Variants in RBM44 observed in about 807,000 individuals in gnomAD.
RBM44 encodes the protein RNA-binding protein 44.
A neutral mutation model predicts 105.1 loss-of-function variants in RBM44; 66 were observed. The ratio of observed to expected loss-of-function variants is 0.63; its 90% confidence interval spans 0.52 to 0.77. The LOEUF (loss-of-function observed/expected upper bound fraction) is 0.77, where lower values mean the gene tolerates loss of function less well. Among genes scored for constraint, RBM44 ranks in the 30% least tolerant of loss-of-function variants. The pLI, the probability that RBM44 is intolerant of heterozygous loss-of-function variation, is 0.00. For synonymous variants in RBM44, 365 were observed against 417.6 expected, an observed-to-expected ratio of 0.87 and a Z score of 1.54; for missense variants, 1,122 against 1,207.8, an observed-to-expected ratio of 0.93 and a Z score of 1.05.
chr2:237,821,362 CACATGTG>C lies in RBM44; in HGVS notation c.2115_2120+1del. 1 of 1,552,082 alleles carries C rather than the reference CACATGTG, an allele frequency of 6.4e-7. No homozygotes were observed. Among genetic ancestry groups the C allele is most frequent in the Non-Finnish European group, 8.7e-7 (1 of 1,143,150 alleles). ...TCCTTCCAGCTAATGAAAAAAGAAA[CACATGTG>C]TGAGTTATGGTTTCATTTGATTTAT... On this transcript the variant is annotated splice_donor_variant and coding_sequence_variant, in exon 7 of 16. Transcript: ENST00000316997. LOFTEE classifies it high-confidence loss of function.
At chr2:237,831,866 C>A (rs1025235976) in intron 13 of RBM44, among the ~76,000 whole-genome samples, 2 of 152,144 alleles carry the variant, frequency 1.3e-5, no homozygotes, top group African/African-American at 2.4e-5. Context: ...TAGCCTCGAT[C>A]TACAGCAGGA....
Position 237,824,286 on chromosome 2 carries a change from C to A in RBM44, c.2321-5C>A. 1 of 1,612,584 alleles carries A rather than the reference C, an allele frequency of 6.2e-7. No homozygotes were observed. The highest frequency in any genetic ancestry group is 8.5e-7 in the Non-Finnish European group (1 of 1,179,080). ...ATTCATAGCTCACTGTGTTGAGTGTCTTAGACTGCAGACATTACCAAGAGA... is the reference window on the plus strand; with the variant it reads ...ATTCATAGCTCACTGTGTTGAGTGTATTAGACTGCAGACATTACCAAGAGA... On this transcript the variant is annotated splice_region_variant and splice_polypyrimidine_tract_variant and intron_variant, in intron 9 of 15. Transcript: ENST00000316997.
intron 9 of RBM44, among the ~76,000 whole-genome samples, chr2:237,824,032 G>A (rs548533302): frequency 1.1e-4 from 17 of 152,208 alleles, no homozygotes; most frequent in South Asian, 6.2e-4. Context: ...TCAATAAGCC[G>A]GGAATAGTGT....
intron 12 of RBM44, 71 bp from the exon 13 acceptor site, chr2:237,829,146 A>G: frequency 9.1e-7 from 1 of 1,098,954 alleles, no homozygotes; most frequent in African/African-American, 1.6e-5. Context: ...TTGCATCAGT[A>G]GTTGCAAAAT....
Position 237,842,414 on chromosome 2 carries a change from A to G in RBM44, c.*598A>G, listed in dbSNP as rs528589506. The G allele has an allele frequency of 1.3e-5, 2 of 152,144 alleles. No individual in the cohort carries two copies. Among genetic ancestry groups the G allele is most frequent in the South Asian group, 2.1e-4 (1 of 4,832 alleles). The allele number at this position is 152,144 out of a possible 1,614,324, so 9.4% of individuals were successfully genotyped here. A position where few individuals can be genotyped will look rare whatever the true frequency, so the allele number is the denominator to read the frequency against. On this transcript the variant is annotated 3_prime_UTR_variant, in exon 16 of 16. Coordinates refer to ENST00000316997, the MANE Select transcript of RBM44 (RefSeq NM_001080504.3). ...TTCATGCATTTTTTATGACTTCAGT[A>G]TAAAACATTCAGGTGTGTTAGCCTT...
rs2061513270 is a variant in RBM44, at chr2:237,798,871, A to C, written c.-19+10A>C. 1 of 153,498 alleles carries C rather than the reference A, an allele frequency of 6.5e-6. No individual in the cohort carries two copies. The highest frequency in any genetic ancestry group is 2.4e-5 in the African/African-American group (1 of 41,442). 9.5% of individuals were successfully genotyped at this position (153,498 alleles called of 1,614,324 possible). A position where few individuals can be genotyped will look rare whatever the true frequency, so the allele number is the denominator to read the frequency against. On this transcript the variant is annotated intron_variant, in intron 1 of 15. Transcript: ENST00000316997. The surrounding 1 kb of genome is among the most constrained non-coding windows in gnomAD (Gnocchi z 4.3). ...TTCTAGCGGATCCGAGGTGCGACGG[A>C]CAGAGACGCGGGGCGGCAGGTCGGG...
At position 237,829,426 on chromosome 2, in the gene RBM44, C is replaced by T. The variant is rs947613508; in HGVS notation, c.2810C>T (p.Ser937Phe). 14 of 1,613,588 alleles carry T rather than the reference C, an allele frequency of 8.7e-6. No individual in the cohort carries two copies. The African/African-American group carries it at 1.7e-4, about 20-fold the overall frequency. The change falls in exon 13 of 16, where the codon TCC (serine) becomes TTC (phenylalanine). Residue 937 changes from serine (S) to phenylalanine (F), a missense_variant. This residue lies in a region of RBM44 where 194 missense variants were observed against 225.5 expected (regional missense o/e 0.86). Transcript: ENST00000316997. ...AACAAACAAATCCACTCAGAATTCT[C>T]CATTTCTAGATTGCCCAGAACTAGG... is the stretch of plus-strand genomic sequence containing the variant. ...STNKQIHSEF[S>F]ISRLPRTRPR...
At chr2:237,834,584 C>T in intron 15 of RBM44, 161 bp downstream of exon 15, 1 of 337,616 alleles carries the variant, frequency 3.0e-6, no homozygotes, top group Non-Finnish European at 5.2e-6. Context: ...TAGTTAACTA[C>T]TAAGGCAAAA....
rs775141225 is a variant in RBM44, at chr2:237,820,263, C to T, written c.1825C>T (p.His609Tyr). ...IMQRAIKAELHLLNVHYQMCR... is the reference protein window; with the variant it reads ...IMQRAIKAELYLLNVHYQMCR... ...GCAGAGAGCCATAAAAGCAGAGCTG[C>T]ACCTTTTAAATGTTCACTATCAGAT... is the stretch of plus-strand genomic sequence containing the variant. Residue 609 changes from histidine (H) to tyrosine (Y), a missense_variant, in exon 5 of 16, where the codon CAC becomes TAC. His to Tyr is a moderately conservative substitution (Grantham distance 83, BLOSUM62 2). This residue lies in a region of RBM44 where 918 missense variants were observed against 955.3 expected (regional missense o/e 0.96). Coordinates refer to ENST00000316997, the MANE Select transcript of RBM44 (RefSeq NM_001080504.3). 4 of 1,600,344 alleles carry T rather than the reference C, an allele frequency of 2.5e-6. No individual in the cohort carries two copies. The highest frequency in any genetic ancestry group is 3.3e-4 in the Middle Eastern group (2 of 6,034).
chr2:237,810,998 A>G (rs546276031), intron 1 of RBM44, among the ~76,000 whole-genome samples: 4 of 152,266 alleles, frequency 2.6e-5, no homozygotes, highest in African/African-American at 7.2e-5. Flanking sequence ...AACATTGTCT[A>G]TAAAGTGGCC....
intron 1 of RBM44, among the ~76,000 whole-genome samples, chr2:237,807,171 T>C (rs1442328757): frequency 6.6e-6 from 1 of 152,044 alleles, no homozygotes; most frequent in Non-Finnish European, 1.5e-5. Context: ...AAATTTGAGA[T>C]GGAATCTCGC....
At chr2:237,805,990 A>AAAC (rs898810673) in intron 1 of RBM44, among the ~76,000 whole-genome samples, 5 of 152,184 alleles carry the variant, frequency 3.3e-5, no homozygotes, top group Non-Finnish European at 7.3e-5. Flanking sequence ...AAAAAAATTA[A>AAAC]AACAACAACA....
At chr2:237,815,486 G>A (rs994353286) in intron 2 of RBM44, among the ~76,000 whole-genome samples, 6 of 152,052 alleles carry the variant, frequency 3.9e-5, no homozygotes, top group African/African-American at 1.2e-4. Flanking sequence ...TTGTAAACAT[G>A]TAAGCATTAT....
chr2:237,817,916 T>G lies in RBM44; in HGVS notation c.997T>G (p.Ser333Ala). ...KMKIYTENMK[S>A]QINEGKDFCG... ...GAAAATTTATACTGAAAACATGAAATCTCAAATAAATGAAGGTAAAGATTT... is the reference window on the plus strand; with the variant it reads ...GAAAATTTATACTGAAAACATGAAAGCTCAAATAAATGAAGGTAAAGATTT... Residue 333 changes from serine to alanine, a missense_variant, in exon 3 of 16, where the codon TCT becomes GCT. Around this residue, in one of 3 missense-constraint regions of RBM44, gnomAD observed 918 missense variants for 955.3 expected, o/e 0.96. Coordinates refer to ENST00000316997, the MANE Select transcript of RBM44 (RefSeq NM_001080504.3). 6.3e-7 allele frequency: 1 copy of G among 1,598,016 alleles called. No homozygotes were observed. Among genetic ancestry groups the G allele is most frequent in the Admixed American group, 1.8e-5 (1 of 55,372 alleles).
At chr2:237,821,879 G>C (rs72987141) in intron 8 of RBM44, 52 bp downstream of exon 8, 1 of 1,210,632 alleles carries the variant, frequency 8.3e-7, no homozygotes, top group Non-Finnish European at 1.2e-6. Context: ...TATGGTTTAC[G>C]TAAAGTAAAT....
intron 1 of RBM44, among the ~76,000 whole-genome samples, chr2:237,804,308 A>G (rs549341878): frequency 1.1e-4 from 16 of 152,250 alleles, no homozygotes; most frequent in Non-Finnish European, 2.1e-4. Context: ...TCCTGTGGGT[A>G]TATACCTAGT....
intron 15 of RBM44, among the ~76,000 whole-genome samples, chr2:237,838,226 A>C (rs1269960056): frequency 2.0e-5 from 3 of 152,216 alleles, no homozygotes; most frequent in Non-Finnish European, 4.4e-5. Flanking sequence ...AGTTAGATTC[A>C]CAGCTGACTC....
chr2:237,824,578 T>G (rs1471506769), intron 10 of RBM44, among the ~76,000 whole-genome samples, 159 bp downstream of exon 10: 1 of 152,196 alleles, frequency 6.6e-6, no homozygotes, highest in East Asian at 1.9e-4. Context: ...ATTGTTCAGT[T>G]GGAGGTCAGT....
chr2:237,818,756 A>AAAAGAC lies in RBM44; in HGVS notation c.1678-144_1678-139dup. On this transcript the variant is annotated intron_variant, in intron 3 of 15. Transcript: ENST00000316997. The surrounding 1 kb of genome is among the most constrained non-coding windows in gnomAD (Gnocchi z 4.6). ...GTAAATTAAAAAGTAAATTAAAAAA[A>AAAAGAC]AAAGACGTGTAAATTACCACCAGTT... 1 of 659,314 alleles carries AAAAGAC rather than the reference A, an allele frequency of 1.5e-6. No homozygotes were observed. Among genetic ancestry groups the AAAAGAC allele is most frequent in the Non-Finnish European group, 2.5e-6 (1 of 401,370 alleles). 40.8% of individuals were successfully genotyped at this position (659,314 alleles called of 1,614,324 possible).
Sources: allele counts gnomAD v4.1 joint callset (sites outside exome capture counted in the v4.1 genomes callset), GRCh38; gene constraint gnomAD v4.1.1; regional missense constraint gnomAD v4.1.1; non-coding constraint Gnocchi (gnomAD v3.1); transcripts MANE v1.5; gene names NCBI Gene and HGNC (gene_info 2026-07-23, HGNC 2026-07-21).